KDM7A: variants seen among roughly 807,000 people sequenced by gnomAD.
KDM7A encodes the protein lysine-specific demethylase 7A.
Under a neutral mutation model 114.8 loss-of-function variants are expected in KDM7A, and 28 were observed. The ratio of observed to expected loss-of-function variants is 0.24; its 90% CI spans 0.18 to 0.33. The LOEUF (loss-of-function observed/expected upper bound fraction) is 0.33, where lower values mean the gene tolerates loss of function less well. Among genes scored for constraint, KDM7A ranks in the 10% least tolerant of loss-of-function variants. The pLI is 1.00. For synonymous variants in KDM7A, 423 were observed against 397.8 expected (o/e 1.06, Z -0.75); for missense variants, 942 against 1,142.5 (o/e 0.82, Z 2.53).
intron 4 of KDM7A, among the ~76,000 whole-genome samples, 197 bp from the exon 5 acceptor site, chr7:140,127,780 A>G (rs1056718319): frequency 5.3e-5 from 8 of 152,344 alleles, no homozygotes; most frequent in Middle Eastern, 6.8e-3. Flanking sequence ...TTTTCAGAGG[A>G]AAAGGAAAGC....
At position 140,091,909 on chromosome 7, in the gene KDM7A, G is replaced by C; in HGVS notation, c.2626C>G (p.Leu876Val). The C allele has an allele frequency of 6.2e-7, 1 of 1,613,984 alleles. No homozygotes were observed. Among genetic ancestry groups the C allele is most frequent in the Non-Finnish European group, 8.5e-7 (1 of 1,180,012 alleles). Residue 876 changes from leucine (L) to valine (V), a missense_variant, in exon 19 of 20, where the codon CTA (leucine) becomes GTA (valine). By Grantham distance (32) the Leu-to-Val change is conservative. Coordinates refer to ENST00000397560, the MANE Select transcript of KDM7A (RefSeq NM_030647.2). ...SGACQISNGS[L>V]SPERPVGETS... is the part of the protein sequence containing the mutation. The stretch of plus-strand genomic sequence containing the variant: ...TCACCAACTGGCCTTTCTGGGCTTA[G>C]ACTGCCATTACTTATCTGGCACGCC...
chr7:140,153,496 A>G (rs1328205343), intron 1 of KDM7A, among the ~76,000 whole-genome samples: 1 of 151,982 alleles, frequency 6.6e-6, no homozygotes, highest in Non-Finnish European at 1.5e-5. Flanking sequence ...AAAAAGAAAA[A>G]AAAAAAAAAG....
chr7:140,171,968 C>A (rs1254303440), intron 1 of KDM7A, among the ~76,000 whole-genome samples: 3 of 152,102 alleles, frequency 2.0e-5, no homozygotes, highest in Non-Finnish European at 1.5e-5. Flanking sequence ...AAAAATGCTG[C>A]CATGAACAGG....
chr7:140,175,757 G>A (rs1042282616), intron 1 of KDM7A, among the ~76,000 whole-genome samples: 5 of 151,898 alleles, frequency 3.3e-5, no homozygotes, highest in African/African-American at 1.2e-4. Flanking sequence ...TCAGAGGGCA[G>A]CGTCCGCCGC....
rs1481828276 is a variant in KDM7A, at chr7:140,090,764, T to G, written c.*330A>C. On this transcript the variant is annotated 3_prime_UTR_variant, in exon 20 of 20. Coordinates refer to ENST00000397560, the MANE Select transcript of KDM7A (RefSeq NM_030647.2). The stretch of plus-strand genomic sequence containing the variant: ...TTTAAAAAAAAATCTGTTAAATAAA[T>G]TATTGATAATTCTTTACCCTACCAC... 3.9e-6 allele frequency: 1 copy of G among 256,526 alleles called. No homozygotes were observed. Among genetic ancestry groups the G allele is most frequent in the East Asian group, 7.3e-5 (1 of 13,712 alleles). The allele number at this position is 256,526 out of a possible 1,614,324, so 15.9% of individuals were successfully genotyped here.
At position 140,097,006 on chromosome 7, in the gene KDM7A, A is replaced by G; in HGVS notation, c.2058T>C (p.Asp686=). ...FTTEESESSG[D]EKKQEITSNF... ...TGGATGTTATTTCTTGTTTCTTTTCATCACCTGAACTTTCAGACTCTTCAG... is the reference window on the plus strand; with the variant it reads ...TGGATGTTATTTCTTGTTTCTTTTCGTCACCTGAACTTTCAGACTCTTCAG... Residue 686 remains aspartate (D), a synonymous_variant, in exon 16 of 20, where the codon GAT becomes GAC. Transcript: ENST00000397560. 3.7e-6 allele frequency: 6 copies of G among 1,612,678 alleles called. No individual in the cohort carries two copies. Among genetic ancestry groups the G allele is most frequent in the Non-Finnish European group, 5.1e-6 (6 of 1,178,858 alleles).
intron 1 of KDM7A, among the ~76,000 whole-genome samples, chr7:140,163,217 A>G (rs540105960): frequency 6.6e-6 from 1 of 152,032 alleles, no homozygotes; most frequent in East Asian, 1.9e-4. Context: ...AATGATCTCA[A>G]TCTCCTGACC....
intron 1 of KDM7A, among the ~76,000 whole-genome samples, chr7:140,166,054 C>T (rs573851761): frequency 1.3e-5 from 2 of 152,154 alleles, no homozygotes; most frequent in East Asian, 3.9e-4. Flanking sequence ...TTACTGTGTG[C>T]CTCATTAATA....
chr7:140,100,583 TTC>T (rs66475050), intron 12 of KDM7A, among the ~76,000 whole-genome samples: 32,535 of 150,038 alleles, frequency 0.22, 4,266 homozygotes, highest in Non-Finnish European at 0.29. Context: ...AAGCTTAATC[TTC>T]TCTGATGATT....
intron 1 of KDM7A, among the ~76,000 whole-genome samples, chr7:140,162,673 AAACTAT>A (rs1562960908): frequency 6.6e-6 from 1 of 152,228 alleles, no homozygotes; most frequent in Non-Finnish European, 1.5e-5. Flanking sequence ...CATGAATTTT[AAACTAT>A]GACTACAGAT....
intron 1 of KDM7A, among the ~76,000 whole-genome samples, chr7:140,166,343 T>A (rs866009596): frequency 5.7e-4 from 81 of 141,220 alleles, no homozygotes; most frequent in South Asian, 2.8e-3. Flanking sequence ...TCCTTTTTTT[T>A]TTTTTTTTTT....
chr7:140,096,632 A>G lies in KDM7A; in HGVS notation c.2297T>C (p.Leu766Pro). Residue 766 changes from leucine (L) to proline (P), a missense_variant, in exon 17 of 20, where the codon CTC becomes CCC. Around this residue, in one of 4 missense-constraint regions of KDM7A, gnomAD observed 512 missense variants for 576.6 expected, o/e 0.89. Coordinates refer to ENST00000397560, the MANE Select transcript of KDM7A (RefSeq NM_030647.2). Reference sequence around the variant, plus strand: ...GCCATGGCAGCTGCTGGGATCCTGGAGAGAGTTTCTTTCACCACTGCAGTC... The same window carrying G: ...GCCATGGCAGCTGCTGGGATCCTGGGGAGAGTTTCTTTCACCACTGCAGTC... ...STDCSGERNSLQDPSSCHGSN... is the reference protein window; with the variant it reads ...STDCSGERNSPQDPSSCHGSN... 1 of 1,614,070 alleles carries G rather than the reference A, an allele frequency of 6.2e-7. No homozygotes were observed.
chr7:140,161,878 C>T (rs1288740806), intron 1 of KDM7A, among the ~76,000 whole-genome samples: 1 of 151,992 alleles, frequency 6.6e-6, no homozygotes, highest in Non-Finnish European at 1.5e-5. Context: ...CTGTATATAT[C>T]AAAAGGTCTA....
intron 7 of KDM7A, among the ~76,000 whole-genome samples, chr7:140,122,149 G>C (rs1818626580): frequency 6.6e-6 from 1 of 152,160 alleles, no homozygotes; most frequent in Non-Finnish European, 1.5e-5. Context: ...GCTACTGATA[G>C]AATTTGTGTT....
chr7:140,091,117 C>T lies in KDM7A; in HGVS notation c.2803G>A (p.Gly935Ser), dbSNP rs1007006373. The change falls in exon 20 of 20, where the codon GGC becomes AGC. Residue 935 changes from glycine (G) to serine (S), a missense_variant. Coordinates refer to ENST00000397560, the MANE Select transcript of KDM7A (RefSeq NM_030647.2). ...TGTCACACAAAGAAACGTGCATGGC[C>T]ATTTCTGTTCAACTTAAGGATCTTC... ...LGKILKLNRN[G>S]HARFFV The T allele has an allele frequency of 1.2e-6, 2 of 1,613,806 alleles. No homozygotes were observed. The highest frequency in any genetic ancestry group is 2.7e-5 in the African/African-American group (2 of 74,948).
At chr7:140,120,646 G>A in intron 7 of KDM7A, 117 bp from the exon 8 acceptor site, 3 of 615,372 alleles carry the variant, frequency 4.9e-6, no homozygotes, top group Non-Finnish European at 8.8e-6. Flanking sequence ...ATATTTCAGT[G>A]CTAGAGAAGT....
rs1794704509 is a variant in KDM7A, at chr7:140,176,213, GGGCGCGACAGGGACCCGC to G, written c.194+513_194+530del. Among the ~76,000 whole-genome samples the G allele has an allele frequency of 6.6e-6, 1 of 151,572 alleles. No homozygotes were observed. The highest frequency in any genetic ancestry group is 6.6e-5 in the Admixed American group (1 of 15,250). On this transcript the variant is annotated intron_variant, in intron 1 of 19. Transcript: ENST00000397560. The surrounding 1 kb of genome is among the most constrained non-coding windows in gnomAD (Gnocchi z 4.4). Reference sequence around the variant, plus strand: ...GGAAGTTTGATAAAGACGGGGAAGGGGGCGCGACAGGGACCCGCGGCGCGGAGGAGACGCGGGGCCGGG... The same window carrying G: ...GGAAGTTTGATAAAGACGGGGAAGGGGGCGCGGAGGAGACGCGGGGCCGGG...
At chr7:140,129,380 T>C (rs1178219648) in intron 4 of KDM7A, 113 bp downstream of exon 4, 4 of 902,468 alleles carry the variant, frequency 4.4e-6, no homozygotes, top group African/African-American at 1.7e-5. Flanking sequence ...AGCCTCACTT[T>C]TCTGAGCAGA....
chr7:140,143,913 C>T (rs983203288), intron 1 of KDM7A, among the ~76,000 whole-genome samples: 3 of 152,266 alleles, frequency 2.0e-5, no homozygotes, highest in Middle Eastern at 3.4e-3. Context: ...GGTGAATATG[C>T]TAATTGTTTA....
Sources: allele counts gnomAD v4.1 joint callset (sites outside exome capture counted in the v4.1 genomes callset), GRCh38; gene constraint gnomAD v4.1.1; regional missense constraint gnomAD v4.1.1; non-coding constraint Gnocchi (gnomAD v3.1); transcripts MANE v1.5; gene names NCBI Gene and HGNC (gene_info 2026-07-23, HGNC 2026-07-21).